The following MTUS2 variants were observed in gnomAD, a reference collection of about 807,000 sequenced individuals.
MTUS2 encodes microtubule associated scaffold protein 2.
A neutral mutation model predicts 114.1 loss-of-function variants in MTUS2; 40 were observed. The observed-to-expected ratio is 0.35, with a 90% confidence interval of 0.27 to 0.46. The LOEUF is 0.46. Ranked by LOEUF, MTUS2 falls within the 20% of genes least tolerant of loss-of-function variation. The probability of loss-of-function intolerance (pLI) is 1.00; values close to 1 mark genes in which losing one functional copy is unlikely to be tolerated. For missense variants in MTUS2, 1,679 were observed against 1,705.4 expected (o/e 0.98, Z 0.27); for synonymous variants, 688 against 672.0 (o/e 1.02, Z -0.37).
chr13:28,909,470 C>A (rs148296696), intron 2 of MTUS2, among the ~76,000 whole-genome samples: 8 of 152,026 alleles, frequency 5.3e-5, no homozygotes, highest in Non-Finnish European at 1.0e-4. Flanking sequence ...TGGGAGTTCA[C>A]TCATGATTTG....
intron 4 of MTUS2, among the ~76,000 whole-genome samples, chr13:29,034,756 A>G (rs1363800810): frequency 6.6e-6 from 1 of 152,154 alleles, no homozygotes; most frequent in Non-Finnish European, 1.5e-5. Flanking sequence ...ACCTGGCTAG[A>G]GATGTAAAAG....
intron 4 of MTUS2, among the ~76,000 whole-genome samples, chr13:29,089,445 A>G (rs1489488107): frequency 1.3e-5 from 2 of 152,066 alleles, no homozygotes; most frequent in Non-Finnish European, 2.9e-5. Context: ...GAAAGGTCAT[A>G]TTGTCTAGTA....
At chr13:29,000,827 A>C (rs974668989) in intron 2 of MTUS2, among the ~76,000 whole-genome samples, 1 of 152,084 alleles carries the variant, frequency 6.6e-6, no homozygotes, top group Non-Finnish European at 1.5e-5. Context: ...GTCTGCTGCC[A>C]TTGTCTTCTC....
intron 2 of MTUS2, among the ~76,000 whole-genome samples, chr13:29,017,390 G>T (rs1352249640): frequency 3.9e-5 from 6 of 152,156 alleles, no homozygotes; most frequent in Non-Finnish European, 8.8e-5. Context: ...AGGCATGGTG[G>T]TTGAATGTAC....
intron 2 of MTUS2, among the ~76,000 whole-genome samples, chr13:28,874,557 G>A (rs1877818566): frequency 6.6e-6 from 1 of 152,090 alleles, no homozygotes; most frequent in East Asian, 1.9e-4. Context: ...CTGTTGGCTT[G>A]GGGCCTCAGT....
intron 5 of MTUS2, among the ~76,000 whole-genome samples, chr13:29,116,472 C>A (rs1432401075): frequency 6.6e-6 from 1 of 152,050 alleles, no homozygotes; most frequent in African/African-American, 2.4e-5. Flanking sequence ...TTCCAAGACC[C>A]CCAGTGGATG....
intron 5 of MTUS2, among the ~76,000 whole-genome samples, chr13:29,170,988 G>T (rs1338810545): frequency 1.3e-5 from 2 of 152,184 alleles, no homozygotes; most frequent in Admixed American, 6.5e-5. Flanking sequence ...GGTGCTCACT[G>T]ACTGGTAGCC....
chr13:29,136,261 G>A (rs75384563), intron 5 of MTUS2, among the ~76,000 whole-genome samples: 6 of 152,144 alleles, frequency 3.9e-5, no homozygotes, highest in Admixed American at 3.9e-4. Context: ...CACTTTTAAA[G>A]GACAGTTTCG....
At chr13:28,903,057 T>G (rs1168353678) in intron 2 of MTUS2, among the ~76,000 whole-genome samples, 7 of 152,132 alleles carry the variant, frequency 4.6e-5, no homozygotes, top group Non-Finnish European at 8.8e-5. Flanking sequence ...TAATTTGCGG[T>G]TTTTGAGAAA....
In MTUS2 at chr13:29,354,233, T is replaced by C. The variant is rs572969877; in HGVS notation, c.2906-5029T>C. ...TCTTGAAAACCATTGTCTTGTATAT[T>C]TTGGGCATTTTTTTTTTTTTTTTTT... On this transcript the variant is annotated intron_variant, in intron 7 of 15. Coordinates refer to ENST00000612955, the MANE Select transcript of MTUS2 (RefSeq NM_001033602.4). Among the ~76,000 whole-genome samples the C allele has an allele frequency of 6.1e-5, 9 of 147,948 alleles. No homozygotes were observed. The East Asian group carries it at 1.8e-3, about 29-fold the overall frequency.
rs1022984174 is a variant in MTUS2, at chr13:28,905,334, C to G, written c.-243+65484C>G. On this transcript the variant is annotated intron_variant, in intron 2 of 15. Coordinates refer to ENST00000612955, the MANE Select transcript of MTUS2 (RefSeq NM_001033602.4). ...CAGAGGGCATCCCTGTCTTGTGCCT[C>G]TTTTCGAAGGGAATGCTTCCGGTTT... 1.4e-4 allele frequency among the ~76,000 whole-genome samples: 21 copies of G among 151,450 alleles called. 1 individual carries two copies. Among genetic ancestry groups the G allele is most frequent in the Non-Finnish European group, 2.8e-4 (19 of 67,908 alleles).
intron 10 of MTUS2, among the ~76,000 whole-genome samples, chr13:29,481,784 C>T (rs923464690): frequency 6.6e-6 from 1 of 152,152 alleles, no homozygotes; most frequent in Admixed American, 6.5e-5. Flanking sequence ...GTTAGTCATT[C>T]TTCTTTCCTA....
intron 2 of MTUS2, among the ~76,000 whole-genome samples, chr13:28,986,795 C>A (rs1242083800): frequency 6.6e-5 from 10 of 152,030 alleles, no homozygotes; most frequent in Admixed American, 6.6e-4. Context: ...GCCACTGGTC[C>A]CATGTAACTA....
chr13:29,435,592 C>T (rs550952887), intron 8 of MTUS2, among the ~76,000 whole-genome samples: 25 of 152,262 alleles, frequency 1.6e-4, no homozygotes, highest in African/African-American at 5.5e-4. Context: ...GGAGGAATAA[C>T]TTTTTGAGGC....
At chr13:29,200,634 C>G (rs1894913035) in intron 5 of MTUS2, among the ~76,000 whole-genome samples, 1 of 145,566 alleles carries the variant, frequency 6.9e-6, no homozygotes, top group Non-Finnish European at 1.5e-5. Flanking sequence ...GATTCTTCTG[C>G]CTTAGCCTCC....
At chr13:29,168,626 G>A (rs565143968) in intron 5 of MTUS2, among the ~76,000 whole-genome samples, 1 of 152,218 alleles carries the variant, frequency 6.6e-6, no homozygotes, top group Non-Finnish European at 1.5e-5. Context: ...CAAACAAGGA[G>A]GCCCTCATTT....
intron 2 of MTUS2, among the ~76,000 whole-genome samples, chr13:28,841,790 G>A (rs1440871129): frequency 1.3e-5 from 2 of 151,964 alleles, no homozygotes; most frequent in Non-Finnish European, 2.9e-5. Context: ...AGGTTCAAGC[G>A]ATTCTCCTGT....
At chr13:29,487,782 G>T (rs1283022576) in intron 10 of MTUS2, 118 bp from the exon 11 acceptor site, 5 of 805,804 alleles carry the variant, frequency 6.2e-6, no homozygotes, top group Admixed American at 1.8e-5. Flanking sequence ...TCCTGCTTCG[G>T]CACAAGGCTG....
chr13:29,495,310 A>C lies in MTUS2; in HGVS notation c.3580-1928A>C, dbSNP rs1469005244. Among the ~76,000 whole-genome samples the C allele has an allele frequency of 2.1e-5, 3 of 143,646 alleles. No individual in the cohort carries two copies. The East Asian group carries it at 6.4e-4, about 31-fold the overall frequency. The allele number at this position is 143,646 out of a possible 152,430, so 94.2% of individuals were successfully genotyped here. ...CAGGCTTAGGTTGCAGTGAGCTGAG[A>C]TCATGCCACTGCACTCCAACCTGGG... is the stretch of plus-strand genomic sequence containing the variant. On this transcript the variant is annotated intron_variant, in intron 12 of 15. Transcript: ENST00000612955.
Sources: allele counts gnomAD v4.1 joint callset (sites outside exome capture counted in the v4.1 genomes callset), GRCh38; gene constraint gnomAD v4.1.1; transcripts MANE v1.5; gene names NCBI Gene and HGNC (gene_info 2026-07-23, HGNC 2026-07-21).